The following DRC1 variants were observed in gnomAD, a reference collection of about 807,000 sequenced individuals.
DRC1 encodes dynein regulatory complex protein 1.
A neutral mutation model predicts 98.7 loss-of-function variants in DRC1; 74 were observed. That is an observed-to-expected ratio of 0.75 (90% confidence interval 0.62 to 0.91). The LOEUF is 0.91. Ranked by LOEUF, DRC1 falls within the 40% of genes least tolerant of loss-of-function variation. The pLI is 0.00. For missense variants in DRC1, 875 were observed against 886.0 expected, an observed-to-expected ratio of 0.99 and a Z score of 0.16; for synonymous variants, 336 against 334.1, an observed-to-expected ratio of 1.01 and a Z score of -0.06.
intron 4 of DRC1, among the ~76,000 whole-genome samples, chr2:26,429,182 GATGATT>G (rs1240019593): frequency 0.056 from 8,118 of 146,062 alleles, 734 homozygotes; most frequent in African/African-American, 0.18. Flanking sequence ...TCTTTGTACA[GATGATT>G]ATTATTATTA....
chr2:26,411,830 A>G (rs1392158983), intron 1 of DRC1, among the ~76,000 whole-genome samples: 3 of 152,058 alleles, frequency 2.0e-5, no homozygotes, highest in South Asian at 2.1e-4. Context: ...TCTGGACTGC[A>G]TGGTTTTTTT....
At chr2:26,422,685 G>C (rs1663176439) in intron 3 of DRC1, among the ~76,000 whole-genome samples, 1 of 152,214 alleles carries the variant, frequency 6.6e-6, no homozygotes, top group African/African-American at 2.4e-5. Flanking sequence ...GGAGGCCGAG[G>C]AAGGCGGATT....
chr2:26,434,663 A>G (rs1411801447), intron 7 of DRC1, among the ~76,000 whole-genome samples: 1 of 152,164 alleles, frequency 6.6e-6, no homozygotes, highest in African/African-American at 2.4e-5. Flanking sequence ...AGGCCGAGGC[A>G]GGTGGATCAT....
chr2:26,427,404 C>T (rs1276724572), intron 4 of DRC1, among the ~76,000 whole-genome samples: 2 of 152,084 alleles, frequency 1.3e-5, no homozygotes, highest in Non-Finnish European at 2.9e-5. Context: ...TTGTGAGCCA[C>T]CGCACCTGAG....
chr2:26,417,363 C>A (rs931344615), intron 2 of DRC1, among the ~76,000 whole-genome samples: 1 of 148,570 alleles, frequency 6.7e-6, no homozygotes, highest in African/African-American at 2.5e-5. Context: ...CAGCCTCGTT[C>A]TGTCATCCAG....
intron 4 of DRC1, among the ~76,000 whole-genome samples, chr2:26,429,197 T>G (rs552696115): frequency 0.081 from 1,632 of 20,242 alleles, 32 homozygotes; most frequent in Middle Eastern, 0.2. Flanking sequence ...TTATTATTAT[T>G]ATTATTATTA....
intron 4 of DRC1, among the ~76,000 whole-genome samples, chr2:26,428,924 T>C (rs1042080375): frequency 2.0e-5 from 3 of 152,210 alleles, no homozygotes; most frequent in African/African-American, 7.2e-5. Context: ...TTCCAGAGTT[T>C]AGTCCTTAGT....
chr2:26,421,359 G>T lies in DRC1; in HGVS notation c.315G>T (p.Glu105Asp). 6.2e-7 allele frequency: 1 copy of T among 1,613,656 alleles called. No individual in the cohort carries two copies. Among genetic ancestry groups the T allele is most frequent in the South Asian group, 1.1e-5 (1 of 91,066 alleles). ...TNIQVAIDIR[E>D]IHRRVEEEEI... ...TCCAGGTGGCTATAGATATCAGAGAGATTCACAGGAGAGTCGAAGAAGAGG... is the reference window on the plus strand; with the variant it reads ...TCCAGGTGGCTATAGATATCAGAGATATTCACAGGAGAGTCGAAGAAGAGG... Residue 105 changes from glutamate (E) to aspartate (D), a missense_variant, in exon 3 of 17, where the codon GAG becomes GAT. Coordinates refer to ENST00000288710, the MANE Select transcript of DRC1 (RefSeq NM_145038.5).
intron 4 of DRC1, among the ~76,000 whole-genome samples, chr2:26,425,664 C>T (rs989576853): frequency 1.4e-4 from 21 of 152,008 alleles, no homozygotes; most frequent in African/African-American, 4.8e-4. Flanking sequence ...ATTTCCGTAA[C>T]GATTAGAGAT....
intron 14 of DRC1, 57 bp downstream of exon 14, chr2:26,453,606 C>T: frequency 1.3e-6 from 2 of 1,542,640 alleles, no homozygotes; most frequent in Non-Finnish European, 1.8e-6. Context: ...GCTGGATGGG[C>T]TGGGGAGCCA....
chr2:26,424,175 G>A, intron 3 of DRC1, 96 bp from the exon 4 acceptor site: 1 of 1,448,300 alleles, frequency 6.9e-7, no homozygotes, highest in Non-Finnish European at 9.5e-7. Context: ...CTAGTACCTG[G>A]GTCTTATATT....
intron 7 of DRC1, among the ~76,000 whole-genome samples, chr2:26,438,800 C>T (rs915430133): frequency 1.3e-5 from 2 of 152,144 alleles, no homozygotes; most frequent in African/African-American, 4.8e-5. Context: ...AGTCTGTAGT[C>T]CAGCAGAGGG....
intron 7 of DRC1, among the ~76,000 whole-genome samples, chr2:26,437,774 C>T (rs928737643): frequency 6.6e-6 from 1 of 151,646 alleles, no homozygotes; most frequent in Admixed American, 6.6e-5. Context: ...ACATGGTAAA[C>T]ATATTAAATA....
At chr2:26,426,050 C>T (rs555622546) in intron 4 of DRC1, among the ~76,000 whole-genome samples, 2 of 152,176 alleles carry the variant, frequency 1.3e-5, no homozygotes, top group Admixed American at 6.5e-5. Flanking sequence ...GGTCTTTAAT[C>T]GATTTTGAGT....
chr2:26,407,885 G>A (rs1678476037), intron 1 of DRC1, among the ~76,000 whole-genome samples: 1 of 152,292 alleles, frequency 6.6e-6, no homozygotes, highest in South Asian at 2.1e-4. Context: ...ATTGTTGTAT[G>A]TTCCGTGCAC....
chr2:26,451,729 C>T (rs1664012420), intron 13 of DRC1, among the ~76,000 whole-genome samples: 1 of 151,930 alleles, frequency 6.6e-6, no homozygotes, highest in Middle Eastern at 3.2e-3. Flanking sequence ...AAAGAGCTGG[C>T]AGAAATGGAC....
chr2:26,450,277 C>T (rs1323864125), intron 12 of DRC1, among the ~76,000 whole-genome samples, 192 bp downstream of exon 12: 2 of 152,206 alleles, frequency 1.3e-5, no homozygotes, highest in African/African-American at 4.8e-5. Context: ...TGTCTCCCAC[C>T]CCTGCCTCTT....
intron 3 of DRC1, among the ~76,000 whole-genome samples, chr2:26,422,616 A>C (rs1195453019): frequency 1.3e-5 from 2 of 152,238 alleles, no homozygotes; most frequent in African/African-American, 4.8e-5. Flanking sequence ...TTAAACAATT[A>C]GAAGAACAAC....
chr2:26,418,539 AT>A (rs1395914488), intron 2 of DRC1, among the ~76,000 whole-genome samples: 1 of 116,052 alleles, frequency 8.6e-6, no homozygotes, highest in Non-Finnish European at 1.6e-5. Context: ...TATACAATAT[AT>A]TATAAATTAT....
Sources: allele counts gnomAD v4.1 joint callset (sites outside exome capture counted in the v4.1 genomes callset), GRCh38; gene constraint gnomAD v4.1.1; transcripts MANE v1.5; gene names NCBI Gene and HGNC (gene_info 2026-07-23, HGNC 2026-07-21).